The following EPHB1 variants were observed in gnomAD, a reference collection of about 807,000 sequenced individuals.
EPHB1 encodes ephrin type-B receptor 1.
Under a neutral mutation model 94.4 loss-of-function variants are expected in EPHB1, and 30 were observed. The ratio of observed to expected loss-of-function variants is 0.32; its 90% confidence interval spans 0.24 to 0.43. The LOEUF is 0.43. Among genes scored for constraint, EPHB1 ranks in the 20% least tolerant of loss-of-function variants. The pLI, the probability that EPHB1 is intolerant of heterozygous loss-of-function variation, is 1.00. For missense variants in EPHB1, 1,055 were observed against 1,308.3 expected (o/e 0.81, Z 2.99); for synonymous variants, 522 against 489.1 (o/e 1.07, Z -0.89).
chr3:135,021,576 C>T (rs886117795), intron 3 of EPHB1, among the ~76,000 whole-genome samples: 1 of 150,298 alleles, frequency 6.7e-6, no homozygotes, highest in Non-Finnish European at 1.5e-5. Context: ...GTTTCCTTTG[C>T]AATTTCTATG....
intron 3 of EPHB1, among the ~76,000 whole-genome samples, chr3:135,031,869 A>C (rs543391393): frequency 5.9e-4 from 89 of 152,126 alleles, no homozygotes; most frequent in African/African-American, 1.8e-3. Flanking sequence ...GCTGGGTATG[A>C]TGTCTAAGTT....
At chr3:134,832,576 T>G (rs555190788) in intron 1 of EPHB1, among the ~76,000 whole-genome samples, 1 of 152,348 alleles carries the variant, frequency 6.6e-6, no homozygotes, top group Admixed American at 6.5e-5. Flanking sequence ...ATATTTTTCC[T>G]TAATTCACTG....
chr3:134,847,179 A>G (rs1206926643), intron 1 of EPHB1, among the ~76,000 whole-genome samples: 1 of 151,844 alleles, frequency 6.6e-6, no homozygotes, highest in Non-Finnish European at 1.5e-5. Context: ...ATCATGGAAA[A>G]AAAAAACCAC....
chr3:135,178,605 T>A lies in EPHB1; in HGVS notation c.1760-1255T>A, dbSNP rs1470236525. Among the ~76,000 whole-genome samples, 3 of 151,982 alleles carry A rather than the reference T, an allele frequency of 2.0e-5. No homozygotes were observed. The South Asian group carries it at 6.2e-4, about 32-fold the overall frequency. On this transcript the variant is annotated intron_variant, in intron 9 of 15. Coordinates refer to ENST00000398015, the MANE Select transcript of EPHB1 (RefSeq NM_004441.5). ...AGGAGAGCTATAGAGCCATCAGAAGTTTTTTGGATGGAAAATGTCAAAACT... is the reference window on the plus strand; with the variant it reads ...AGGAGAGCTATAGAGCCATCAGAAGATTTTTGGATGGAAAATGTCAAAACT...
At chr3:134,926,929 A>T (rs896768069) in intron 2 of EPHB1, among the ~76,000 whole-genome samples, 2 of 152,210 alleles carry the variant, frequency 1.3e-5, no homozygotes, top group Non-Finnish European at 2.9e-5. Flanking sequence ...TGGATGGACT[A>T]TGGCAGGAAT....
At chr3:135,205,259 T>G (rs1328538025) in intron 12 of EPHB1, among the ~76,000 whole-genome samples, 3 of 152,212 alleles carry the variant, frequency 2.0e-5, no homozygotes, top group Non-Finnish European at 2.9e-5. Context: ...TTTCTATTGT[T>G]TGTACGTGTC....
chr3:135,115,799 T>C lies in EPHB1; in HGVS notation c.961+9196T>C, dbSNP rs78425173. Among the ~76,000 whole-genome samples the C allele has an allele frequency of 9.5e-3, 1,449 of 152,306 alleles. 19 individuals are homozygous for C. Among genetic ancestry groups the C allele is most frequent in the African/African-American group, 0.033 (1,376 of 41,560 alleles). On this transcript the variant is annotated intron_variant, in intron 4 of 15. Coordinates refer to ENST00000398015, the MANE Select transcript of EPHB1 (RefSeq NM_004441.5). ...ATTATTGTGTCCATTGTGAATTGTA[T>C]GTAAAATGCCTAACTCAGTGTTAGA...
intron 3 of EPHB1, among the ~76,000 whole-genome samples, chr3:135,061,461 A>G (rs1937508473): frequency 6.8e-6 from 1 of 148,030 alleles, no homozygotes; most frequent in African/African-American, 2.5e-5. Context: ...GAGAACATAC[A>G]ATGTTTGGTT....
intron 1 of EPHB1, among the ~76,000 whole-genome samples, chr3:134,815,932 G>A (rs1371874510): frequency 3.9e-5 from 6 of 152,110 alleles, no homozygotes; most frequent in Non-Finnish European, 7.3e-5. Context: ...TTATTTATCA[G>A]CACACATTTG....
chr3:135,173,814 C>G (rs914571301), intron 9 of EPHB1, among the ~76,000 whole-genome samples: 1 of 152,204 alleles, frequency 6.6e-6, no homozygotes, highest in Non-Finnish European at 1.5e-5. Context: ...ATTTGTACAT[C>G]CAACGTCTAA....
chr3:135,109,994 C>G (rs187317132), intron 4 of EPHB1, among the ~76,000 whole-genome samples: 5 of 152,314 alleles, frequency 3.3e-5, no homozygotes, highest in Non-Finnish European at 7.3e-5. Flanking sequence ...CAATGTGAAA[C>G]CCCGCACCAT....
rs115289212 is a variant in EPHB1, at chr3:135,238,355, C to T, written c.2347-2793C>T. Among the ~76,000 whole-genome samples the T allele has an allele frequency of 7.0e-3, 1,069 of 152,230 alleles. 9 individuals carry two copies. Among genetic ancestry groups the T allele is most frequent in the African/African-American group, 0.024 (987 of 41,540 alleles). ...AGCCACCTGCTGGGATGGAGGGGGG[C>T]GGCGGTGACAGCCCAAGCTCAGTGT... On this transcript the variant is annotated intron_variant, in intron 12 of 15. Transcript: ENST00000398015.
chr3:134,914,264 G>A (rs907756249), intron 1 of EPHB1, among the ~76,000 whole-genome samples: 4 of 152,196 alleles, frequency 2.6e-5, no homozygotes, highest in East Asian at 1.9e-4. Flanking sequence ...AGGACAAAAC[G>A]TGGAAACATA....
chr3:134,870,744 C>T (rs2037482550), intron 1 of EPHB1, among the ~76,000 whole-genome samples: 1 of 152,218 alleles, frequency 6.6e-6, no homozygotes, highest in Admixed American at 6.5e-5. Context: ...ACCTACTGCA[C>T]ATAGTGTTGT....
At chr3:135,068,275 A>G (rs562933818) in intron 3 of EPHB1, among the ~76,000 whole-genome samples, 8 of 152,260 alleles carry the variant, frequency 5.3e-5, no homozygotes, top group African/African-American at 1.9e-4. Context: ...AAGTGGCTAT[A>G]CCATTTTACA....
chr3:135,181,568 A>G (rs567010105), intron 10 of EPHB1, among the ~76,000 whole-genome samples: 6 of 152,218 alleles, frequency 3.9e-5, no homozygotes, highest in Admixed American at 3.3e-4. Flanking sequence ...AATTGTTGTT[A>G]TGGCTTGTGG....
chr3:134,925,778 T>C, intron 1 of EPHB1, 38 bp from the exon 2 acceptor site: 1 of 1,528,942 alleles, frequency 6.5e-7, no homozygotes, highest in South Asian at 1.2e-5. Flanking sequence ...TTCTGACTCA[T>C]TGTTTTTGTT....
intron 3 of EPHB1, among the ~76,000 whole-genome samples, chr3:135,053,027 G>GTGTGTGTGTATATATA (rs1256844091): frequency 9.1e-6 from 1 of 110,474 alleles, no homozygotes; most frequent in African/African-American, 4.2e-5. Flanking sequence ...GTGTGTGTGT[G>GTGTGTGTGTATATATA]TATATATATA....
chr3:134,953,138 C>T (rs1002733389), intron 3 of EPHB1, among the ~76,000 whole-genome samples: 1 of 152,200 alleles, frequency 6.6e-6, no homozygotes, highest in Non-Finnish European at 1.5e-5. Flanking sequence ...GCCAGCTTCC[C>T]TCTCTGATGT....
Sources: allele counts gnomAD v4.1 joint callset (sites outside exome capture counted in the v4.1 genomes callset), GRCh38; gene constraint gnomAD v4.1.1; transcripts MANE v1.5; gene names NCBI Gene and HGNC (gene_info 2026-07-23, HGNC 2026-07-21).